SAMD12: variants seen among roughly 807,000 people sequenced by gnomAD.
SAMD12 encodes the protein sterile alpha motif domain-containing protein 12.
In SAMD12, 9 loss-of-function variants were observed where a neutral mutation model predicts 15.0. The observed-to-expected ratio is 0.60, with a 90% CI of 0.36 to 1.05. The LOEUF is 1.05. Among genes scored for constraint, SAMD12 ranks in the 50% least tolerant of loss-of-function variants. The probability of loss-of-function intolerance (pLI) is 0.01; values close to 1 mark genes in which losing one functional copy is unlikely to be tolerated. For synonymous variants in SAMD12, 86 were observed against 90.1 expected (o/e 0.96, Z 0.25); for missense variants, 230 against 234.2 (o/e 0.98, Z 0.12).
intron 2 of SAMD12, among the ~76,000 whole-genome samples, chr8:118,557,352 G>T (rs899636421): frequency 6.6e-6 from 1 of 152,346 alleles, no homozygotes; most frequent in Non-Finnish European, 1.5e-5. Context: ...AGAACTGTGA[G>T]TTAATTAAAC....
At chr8:118,255,235 A>G (rs952281328) in intron 4 of SAMD12, among the ~76,000 whole-genome samples, 1 of 152,108 alleles carries the variant, frequency 6.6e-6, no homozygotes, top group African/African-American at 2.4e-5. Context: ...TTCTAAAAAA[A>G]CCATAAGGTA....
intron 2 of SAMD12, among the ~76,000 whole-genome samples, chr8:118,575,520 T>TA (rs763278788): frequency 1.3e-5 from 2 of 152,174 alleles, no homozygotes; most frequent in African/African-American, 2.4e-5. Context: ...CCATTAGACA[T>TA]AGAGAGTTAC....
chr8:118,616,807 CA>C (rs1828250001), intron 1 of SAMD12, among the ~76,000 whole-genome samples: 1 of 152,180 alleles, frequency 6.6e-6, no homozygotes, highest in South Asian at 2.1e-4. Flanking sequence ...AGTGAGCAAG[CA>C]AGCATTACCA....
At chr8:118,416,216 G>A (rs1353218231) in intron 3 of SAMD12, among the ~76,000 whole-genome samples, 2 of 152,122 alleles carry the variant, frequency 1.3e-5, no homozygotes, top group Non-Finnish European at 2.9e-5. Flanking sequence ...GGATGTAGAG[G>A]AAAACAGAGA....
At chr8:118,359,033 A>G (rs1296031374) in intron 4 of SAMD12, among the ~76,000 whole-genome samples, 4 of 148,200 alleles carry the variant, frequency 2.7e-5, no homozygotes, top group South Asian at 4.3e-4. Flanking sequence ...GTGTATATAT[A>G]TATATGTGTG....
At chr8:118,443,637 G>T (rs1563863400) in intron 2 of SAMD12, among the ~76,000 whole-genome samples, 1 of 152,160 alleles carries the variant, frequency 6.6e-6, no homozygotes, top group African/African-American at 2.4e-5. Flanking sequence ...CTCAGCCTTG[G>T]CATTTTAATG....
intron 2 of SAMD12, among the ~76,000 whole-genome samples, chr8:118,446,811 T>C (rs1447785437): frequency 6.6e-6 from 1 of 152,168 alleles, no homozygotes; most frequent in Non-Finnish European, 1.5e-5. Flanking sequence ...TTGAGTCTCA[T>C]GGCTTGTTTT....
At chr8:118,499,892 G>C (rs1281308588) in intron 2 of SAMD12, among the ~76,000 whole-genome samples, 1 of 151,970 alleles carries the variant, frequency 6.6e-6, no homozygotes, top group Non-Finnish European at 1.5e-5. Flanking sequence ...ACAGAAGACT[G>C]TCCTTAATAT....
At position 118,458,803 on chromosome 8, in the gene SAMD12, A is replaced by G. The variant is rs559271035; in HGVS notation, c.193-18842T>C. On this transcript the variant is annotated intron_variant, in intron 2 of 3. Coordinates refer to ENST00000314727, the MANE Select transcript of SAMD12 (RefSeq NM_207506.3). ...TGTATTTTAGGCCATAATTTGTTTT[A>G]GAGTCAAACTAGTTTTCAAGTTACT... Among the ~76,000 whole-genome samples, 13 of 152,310 alleles carry G rather than the reference A, an allele frequency of 8.5e-5. No homozygotes were observed. The South Asian group carries it at 2.7e-3, about 32-fold the overall frequency.
At chr8:118,197,704 C>A in exon 5 of SAMD12, 1 of 1,613,194 alleles carries the variant, frequency 6.2e-7, no homozygotes, top group Non-Finnish European at 8.5e-7. Context: ...GGAAGGCTAA[C>A]CGTGTTTATG....
intron 2 of SAMD12, among the ~76,000 whole-genome samples, chr8:118,522,605 T>C (rs1441892046): frequency 6.6e-6 from 1 of 152,218 alleles, no homozygotes; most frequent in Non-Finnish European, 1.5e-5. Flanking sequence ...TTTAGGACAA[T>C]TGCAGATTAA....
intron 4 of SAMD12, among the ~76,000 whole-genome samples, chr8:118,304,797 TACAC>T: frequency 6.7e-6 from 1 of 149,418 alleles, no homozygotes; most frequent in Admixed American, 6.7e-5. Context: ...AATAAATAAA[TACAC>T]AAATAAATAT....
intron 2 of SAMD12, among the ~76,000 whole-genome samples, chr8:118,538,893 GTTC>G (rs539615282): frequency 6.6e-6 from 1 of 152,142 alleles, no homozygotes; most frequent in Non-Finnish European, 1.5e-5. Context: ...CTATTTGTAT[GTTC>G]TTTTTTCCTC....
At chr8:118,286,812 C>T (rs1814051309) in intron 4 of SAMD12, among the ~76,000 whole-genome samples, 1 of 152,162 alleles carries the variant, frequency 6.6e-6, no homozygotes, top group Admixed American at 6.5e-5. Context: ...ACAGTTTAAA[C>T]GCCCACCACA....
intron 4 of SAMD12, among the ~76,000 whole-genome samples, chr8:118,244,290 C>G (rs1362164126): frequency 6.6e-6 from 1 of 152,088 alleles, no homozygotes; most frequent in Non-Finnish European, 1.5e-5. Flanking sequence ...AAAATTTGCC[C>G]AAATTCACAC....
intron 2 of SAMD12, among the ~76,000 whole-genome samples, chr8:118,473,860 A>G (rs1411171566): frequency 6.6e-6 from 1 of 152,176 alleles, no homozygotes; most frequent in Non-Finnish European, 1.5e-5. Flanking sequence ...CTCTTATAGT[A>G]CTGCACAGGT....
At chr8:118,512,933 C>T (rs576424243) in intron 2 of SAMD12, among the ~76,000 whole-genome samples, 4 of 152,252 alleles carry the variant, frequency 2.6e-5, no homozygotes, top group Admixed American at 6.5e-5. Flanking sequence ...TATCAAGTAA[C>T]GCATGTGAAA....
At chr8:118,259,088 A>G (rs1457838809) in intron 4 of SAMD12, among the ~76,000 whole-genome samples, 2 of 152,166 alleles carry the variant, frequency 1.3e-5, no homozygotes, top group Non-Finnish European at 2.9e-5. Context: ...AGGGTGAGTG[A>G]GAGTGAAAAC....
chr8:118,374,785 T>A (rs1321286030), downstream of SAMD12, among the ~76,000 whole-genome samples: 1 of 152,030 alleles, frequency 6.6e-6, no homozygotes, highest in East Asian at 1.9e-4. Flanking sequence ...TTTGGAGAAC[T>A]CTCTATTTGA....
Sources: gnomAD v4.1 joint callset for allele counts (sites outside exome capture counted in the v4.1 genomes callset) on GRCh38, gnomAD v4.1.1 for gene constraint, MANE v1.5 for transcripts, NCBI Gene and HGNC (gene_info 2026-07-23, HGNC 2026-07-21) for gene names.